The following SUDS3 variants were observed in gnomAD, a reference collection of about 807,000 sequenced individuals.
SUDS3 encodes sin3 histone deacetylase corepressor complex component SDS3.
A neutral mutation model predicts 53.5 loss-of-function variants in SUDS3; 23 were observed. The observed-to-expected ratio is 0.43, with a 90% CI of 0.31 to 0.61. SUDS3 has a LOEUF of 0.61. SUDS3 is among the 20% of genes least tolerant of loss of function. The probability of loss-of-function intolerance (pLI) is 0.10; values close to 1 mark genes in which losing one functional copy is unlikely to be tolerated. For synonymous variants in SUDS3, 150 were observed against 148.5 expected, an observed-to-expected ratio of 1.01 and a Z score of -0.08; for missense variants, 291 against 405.9, an observed-to-expected ratio of 0.72 and a Z score of 2.43.
Position 118,376,850 on chromosome 12 carries a change from G to C in SUDS3, c.142+17G>C, listed in dbSNP as rs1192871172. On this transcript the variant is annotated intron_variant, in intron 1 of 11. Transcript: ENST00000543473. ...CGGACGAAGGTGAGTCCTGCCGCTC[G>C]CCCGGCCGCCCGGAGCGGAGGTGGG... 1.3e-6 allele frequency: 2 copies of C among 1,481,824 alleles called. No individual in the cohort carries two copies. The highest frequency in any genetic ancestry group is 1.2e-5 in the South Asian group (1 of 80,886). The allele number at this position is 1,481,824 out of a possible 1,614,324, so 91.8% of individuals were successfully genotyped here. A position where few individuals can be genotyped will look rare whatever the true frequency, so the allele number is the denominator to read the frequency against.
chr12:118,403,577 C>A, intron 10 of SUDS3, 60 bp downstream of exon 10: 2 of 1,349,758 alleles, frequency 1.5e-6, no homozygotes, highest in Non-Finnish European at 2.1e-6. Flanking sequence ...GGAAAGAGGG[C>A]TGGGGCTATT....
Position 118,414,403 on chromosome 12 carries a change from C to T in SUDS3, c.957C>T (p.Leu319=). 1 of 1,600,856 alleles carries T rather than the reference C, an allele frequency of 6.2e-7. No individual in the cohort carries two copies. The highest frequency in any genetic ancestry group is 8.5e-7 in the Non-Finnish European group (1 of 1,174,058). ...RIYLGQLQRG[L]FVIRRRSAA ...ACCTGGGCCAGCTTCAGCGCGGGCT[C>T]TTCGTGATCCGCCGGCGCTCAGCTG... The change falls in exon 12 of 12, where the codon CTC becomes CTT. Residue 319 remains leucine, a synonymous_variant. Transcript: ENST00000543473.
In SUDS3 at chr12:118,380,153, T is replaced by C. The variant is rs1166148331; in HGVS notation, c.143-9T>C. On this transcript the variant is annotated splice_polypyrimidine_tract_variant and intron_variant, in intron 1 of 11. Coordinates refer to ENST00000543473, the MANE Select transcript of SUDS3 (RefSeq NM_022491.3). ...TTTTAACTAGCCCCTATTTCCTAAC[T>C]TTATTCAGACACTGAGGATGCTAGT... is the stretch of plus-strand genomic sequence containing the variant. 6.2e-7 allele frequency: 1 copy of C among 1,602,570 alleles called. No individual in the cohort carries two copies. The highest frequency in any genetic ancestry group is 1.3e-5 in the African/African-American group (1 of 74,850).
chr12:118,405,592 C>T (rs2046301908), intron 10 of SUDS3, among the ~76,000 whole-genome samples: 1 of 152,138 alleles, frequency 6.6e-6, no homozygotes, highest in Non-Finnish European at 1.5e-5. Flanking sequence ...ATTGCTTATT[C>T]TCTTGTTAAA....
intron 2 of SUDS3, among the ~76,000 whole-genome samples, chr12:118,382,108 C>T (rs772809641): frequency 2.6e-5 from 4 of 151,818 alleles, no homozygotes; most frequent in Admixed American, 2.6e-4. Context: ...GGCATGATCT[C>T]GTCTCACTGC....
intron 6 of SUDS3, among the ~76,000 whole-genome samples, chr12:118,391,534 T>C (rs1454271415): frequency 6.6e-6 from 1 of 152,198 alleles, no homozygotes; most frequent in Non-Finnish European, 1.5e-5. Context: ...GACATATGAG[T>C]GCCTAGTACA....
intron 10 of SUDS3, among the ~76,000 whole-genome samples, chr12:118,407,449 CA>C (rs1252745654): frequency 2.4e-4 from 37 of 152,106 alleles, no homozygotes; most frequent in Admixed American, 2.4e-3. Flanking sequence ...TCAGTGATTC[CA>C]AAGGAGGCGG....
Position 118,411,919 on chromosome 12 carries a change from C to T in SUDS3, c.888+762C>T, listed in dbSNP as rs564381941. 4.6e-5 allele frequency among the ~76,000 whole-genome samples: 7 copies of T among 152,300 alleles called. No homozygotes were observed. The East Asian group carries it at 1.4e-3, about 29-fold the overall frequency. ...CACATACCAGTAGATTTGTTTCTTG[C>T]TGTGAGGATTGAATGAGGCACCTGG... On this transcript the variant is annotated intron_variant, in intron 11 of 11. Coordinates refer to ENST00000543473, the MANE Select transcript of SUDS3 (RefSeq NM_022491.3).
chr12:118,384,087 C>T lies in SUDS3; in HGVS notation c.268+20C>T, dbSNP rs775381294. ...AAGAAGGTTGGTGTGTGATTGAATC[C>T]TGCATTTCTAAATATGCTTCTTAAT... On this transcript the variant is annotated intron_variant, in intron 3 of 11. Transcript: ENST00000543473. 6.2e-6 allele frequency: 10 copies of T among 1,611,174 alleles called. No individual in the cohort carries two copies. Among genetic ancestry groups the T allele is most frequent in the Middle Eastern group, 3.3e-4 (2 of 6,006 alleles).
intron 1 of SUDS3, 94 bp downstream of exon 1, chr12:118,376,927 G>C: frequency 7.5e-7 from 1 of 1,338,766 alleles, no homozygotes; most frequent in Non-Finnish European, 9.6e-7. Context: ...GGCGGCCTCC[G>C]GGGCCTGGGG....
intron 7 of SUDS3, 144 bp from the exon 8 acceptor site, chr12:118,401,615 A>C (rs538155362): frequency 1.4e-6 from 1 of 696,802 alleles, no homozygotes; most frequent in African/African-American, 1.8e-5. Context: ...GAGAATCATA[A>C]ATTTCTAAGA....
At chr12:118,396,342 G>A (rs1359246904) in intron 6 of SUDS3, among the ~76,000 whole-genome samples, 3 of 152,084 alleles carry the variant, frequency 2.0e-5, no homozygotes, top group Non-Finnish European at 4.4e-5. Context: ...TGCAACCTCT[G>A]CCTCCTGTGC....
chr12:118,386,124 G>A lies in SUDS3; in HGVS notation c.279G>A (p.Gln93=). ...QLQQLQEGTL[Q]EYQKRMKKLD... is the part of the protein sequence containing the mutation. ...AATGTTCAAAATCAGGTACATTACA[G>A]GAATATCAGAAGAGAATGAAAAAAC... The change falls in exon 4 of 12, where the codon CAG becomes CAA. Residue 93 remains glutamine (Q), a synonymous_variant. Coordinates refer to ENST00000543473, the MANE Select transcript of SUDS3 (RefSeq NM_022491.3). 1 of 1,596,358 alleles carries A rather than the reference G, an allele frequency of 6.3e-7. No individual in the cohort carries two copies. Among genetic ancestry groups the A allele is most frequent in the Non-Finnish European group, 8.5e-7 (1 of 1,170,606 alleles).
chr12:118,398,268 A>G (rs1302033653), intron 6 of SUDS3, among the ~76,000 whole-genome samples: 1 of 152,136 alleles, frequency 6.6e-6, no homozygotes, highest in East Asian at 1.9e-4. Flanking sequence ...TATTCTCTAG[A>G]TGAGGACACG....
intron 11 of SUDS3, 130 bp downstream of exon 11, chr12:118,411,287 TA>T (rs1358389864): frequency 6.6e-5 from 51 of 769,394 alleles, no homozygotes; most frequent in South Asian, 8.5e-5. Context: ...GGTTAGATTC[TA>T]AAGTCAGGCA....
At chr12:118,379,664 C>T (rs1292111786) in intron 1 of SUDS3, among the ~76,000 whole-genome samples, 1 of 152,128 alleles carries the variant, frequency 6.6e-6, no homozygotes, top group Non-Finnish European at 1.5e-5. Flanking sequence ...TCTGGAGCAG[C>T]GAGTAAGGCT....
intron 10 of SUDS3, among the ~76,000 whole-genome samples, chr12:118,407,116 C>T (rs959666471): frequency 1.3e-5 from 2 of 151,908 alleles, no homozygotes; most frequent in African/African-American, 4.8e-5. Flanking sequence ...CCCAGGCTGT[C>T]CTCAAACTCC....
rs554307116 is a variant in SUDS3, at chr12:118,382,780, G to T, written c.213-1232G>T. 1.1e-3 allele frequency among the ~76,000 whole-genome samples: 167 copies of T among 150,614 alleles called. 1 individual carries two copies. Among genetic ancestry groups the T allele is most frequent in the African/African-American group, 4.0e-3 (162 of 40,874 alleles). ...GCCCCTGGGTTCAAGCTATTCTTCT[G>T]CCTCAGCCTCACGAGTAGCTGGGAT... On this transcript the variant is annotated intron_variant, in intron 2 of 11. Transcript: ENST00000543473.
chr12:118,387,682 G>C (rs2046127503), intron 4 of SUDS3, among the ~76,000 whole-genome samples: 2 of 151,992 alleles, frequency 1.3e-5, no homozygotes, highest in Non-Finnish European at 2.9e-5. Flanking sequence ...CTCCTGAGTA[G>C]CTGGAATTAC....
Sources: gnomAD v4.1 joint callset for allele counts (sites outside exome capture counted in the v4.1 genomes callset) on GRCh38, gnomAD v4.1.1 for gene constraint, MANE v1.5 for transcripts, NCBI Gene and HGNC (gene_info 2026-07-23, HGNC 2026-07-21) for gene names.